The following METTL15 variants were observed in gnomAD, a reference collection of about 807,000 sequenced individuals.
METTL15 encodes the protein 12S rRNA N(4)-cytidine methyltransferase METTL15.
METTL15 carries 34 observed loss-of-function variants against 38.3 expected under a neutral mutation model. The ratio of observed to expected loss-of-function variants is 0.89; its 90% confidence interval spans 0.68 to 1.18. The LOEUF (loss-of-function observed/expected upper bound fraction) is 1.18, where lower values mean the gene tolerates loss of function less well. Ranked by LOEUF, METTL15 falls within the 50% of genes most tolerant of loss-of-function variation. The probability of loss-of-function intolerance (pLI) is 0.00; values close to 1 mark genes in which losing one functional copy is unlikely to be tolerated. For missense variants in METTL15, 438 were observed against 498.4 expected, an observed-to-expected ratio of 0.88 and a Z score of 1.15; for synonymous variants, 162 against 170.9, an observed-to-expected ratio of 0.95 and a Z score of 0.41.
At chr11:28,353,718 G>C (rs563426800) in intron 4 of METTL15, among the ~76,000 whole-genome samples, 3 of 151,906 alleles carry the variant, frequency 2.0e-5, no homozygotes, top group Non-Finnish European at 4.4e-5. Flanking sequence ...GAGGTCAGGA[G>C]ATCGAGACCA....
intron 6 of METTL15, among the ~76,000 whole-genome samples, chr11:28,458,091 G>A (rs576194223): frequency 1.3e-5 from 2 of 152,244 alleles, no homozygotes; most frequent in South Asian, 4.2e-4. Context: ...GGTGACTTTC[G>A]AGGATGTGCC....
intron 6 of METTL15, among the ~76,000 whole-genome samples, chr11:28,455,397 G>A (rs962445530): frequency 4.6e-5 from 7 of 151,822 alleles, no homozygotes; most frequent in African/African-American, 1.7e-4. Context: ...CCTTTCAGTG[G>A]AAAATTTATT....
intron 6 of METTL15, among the ~76,000 whole-genome samples, chr11:28,321,697 T>A (rs955085007): frequency 1.4e-4 from 21 of 152,188 alleles, no homozygotes; most frequent in African/African-American, 5.1e-4. Flanking sequence ...TACATTGGAA[T>A]ACGCAAGATA....
intron 5 of METTL15, among the ~76,000 whole-genome samples, chr11:28,375,625 T>A (rs183696250): frequency 0.018 from 2,674 of 152,084 alleles, 53 homozygotes; most frequent in African/African-American, 0.051. Context: ...CAGCTCCTGG[T>A]TTCATTAATT....
At chr11:28,390,581 G>C (rs1394332118) in intron 5 of METTL15, among the ~76,000 whole-genome samples, 1 of 152,150 alleles carries the variant, frequency 6.6e-6, no homozygotes, top group East Asian at 1.9e-4. Flanking sequence ...CTGTTCCATT[G>C]ATCTATATCT....
intron 5 of METTL15, among the ~76,000 whole-genome samples, chr11:28,404,583 C>T (rs1171792339): frequency 1.3e-5 from 2 of 152,066 alleles, no homozygotes; most frequent in Admixed American, 1.3e-4. Context: ...GTGGCCCCCA[C>T]CTCCTAGCAC....
chr11:28,158,467 T>G (rs1183267766), intron 3 of METTL15, among the ~76,000 whole-genome samples: 1 of 152,174 alleles, frequency 6.6e-6, no homozygotes, highest in Non-Finnish European at 1.5e-5. Context: ...CAGCAGAGAC[T>G]AACACCAAGC....
chr11:28,239,862 C>T lies in METTL15; in HGVS notation c.407+28664C>T, dbSNP rs776778389. On this transcript the variant is annotated intron_variant, in intron 4 of 6. Transcript: ENST00000407364. ...TACCCTTGCTTTATATTTTGTTATA[C>T]AACATCACCCTTTGACATAGTACAT... Among the ~76,000 whole-genome samples, 4 of 152,148 alleles carry T rather than the reference C, an allele frequency of 2.6e-5. No individual in the cohort carries two copies. In the East Asian group the frequency reaches 5.8e-4, roughly 22 times the overall value.
chr11:28,393,099 T>C (rs1033749890), intron 5 of METTL15, among the ~76,000 whole-genome samples: 6 of 152,146 alleles, frequency 3.9e-5, no homozygotes, highest in African/African-American at 1.4e-4. Flanking sequence ...GCAGCCATTA[T>C]GGAAAACAGC....
rs912683440 is a variant in METTL15 at position 28,258,927 on chromosome 11, A to G, written c.408-31279A>G. On this transcript the variant is annotated intron_variant, in intron 4 of 6. Transcript: ENST00000407364. ...CAAAGTCCATTTTACTTTTATGTCT[A>G]TTTTTCTCAAGCAGCAGGAGTCTGG... is the stretch of plus-strand genomic sequence containing the variant. Among the ~76,000 whole-genome samples, 19 of 151,928 alleles carry G rather than the reference A, an allele frequency of 1.3e-4. 1 individual carries two copies. Among genetic ancestry groups the G allele is most frequent in the South Asian group, 6.2e-4 (3 of 4,824 alleles).
intron 4 of METTL15, among the ~76,000 whole-genome samples, chr11:28,264,385 AGTT>A (rs1345946042): frequency 3.3e-5 from 5 of 152,094 alleles, no homozygotes; most frequent in Admixed American, 1.3e-4. Flanking sequence ...TATAATTAGT[AGTT>A]GTCTGTTTTT....
chr11:28,413,870 T>C (rs1046588749), intron 5 of METTL15, among the ~76,000 whole-genome samples: 2 of 152,212 alleles, frequency 1.3e-5, no homozygotes, highest in Non-Finnish European at 2.9e-5. Flanking sequence ...GTCCCTCTAA[T>C]CTAGTCTTCT....
intron 3 of METTL15, among the ~76,000 whole-genome samples, chr11:28,195,256 G>A (rs1295282228): frequency 6.6e-6 from 1 of 151,990 alleles, no homozygotes; most frequent in Non-Finnish European, 1.5e-5. Context: ...GAATTGAATG[G>A]TAGATCTACT....
intron 5 of METTL15, among the ~76,000 whole-genome samples, chr11:28,403,661 G>T (rs1387589308): frequency 6.6e-6 from 1 of 151,958 alleles, no homozygotes; most frequent in African/African-American, 2.4e-5. Context: ...CACACACAAT[G>T]AACCATGTCA....
intron 6 of METTL15, among the ~76,000 whole-genome samples, chr11:28,450,855 T>C (rs574800181): frequency 6.6e-6 from 1 of 152,332 alleles, no homozygotes; most frequent in East Asian, 1.9e-4. Flanking sequence ...ATTAAACATG[T>C]TCTAGGAGCC....
intron 6 of METTL15, among the ~76,000 whole-genome samples, chr11:28,459,959 A>G (rs989290844): frequency 6.6e-6 from 1 of 152,094 alleles, no homozygotes; most frequent in African/African-American, 2.4e-5. Context: ...AAGATGAATG[A>G]AATTCTCTCT....
At chr11:28,128,991 A>G (rs1454874159) in intron 3 of METTL15, among the ~76,000 whole-genome samples, 1 of 152,052 alleles carries the variant, frequency 6.6e-6, no homozygotes, top group East Asian at 1.9e-4. Flanking sequence ...TTTATTTTTT[A>G]TTTTTTTAAT....
intron 5 of METTL15, among the ~76,000 whole-genome samples, chr11:28,408,091 G>A (rs1209960597): frequency 6.6e-6 from 1 of 152,088 alleles, no homozygotes; most frequent in Non-Finnish European, 1.5e-5. Flanking sequence ...TCACTTATAA[G>A]TGGGAGCTGA....
intron 4 of METTL15, among the ~76,000 whole-genome samples, chr11:28,278,275 A>T (rs1309263149): frequency 6.6e-6 from 1 of 152,210 alleles, no homozygotes; most frequent in African/African-American, 2.4e-5. Context: ...TGTGACAATT[A>T]TGTGGAATAT....
Sources: allele counts gnomAD v4.1 joint callset (sites outside exome capture counted in the v4.1 genomes callset), GRCh38; gene constraint gnomAD v4.1.1; transcripts MANE v1.5; gene names NCBI Gene and HGNC (gene_info 2026-07-23, HGNC 2026-07-21).